AGBL4: variants seen among roughly 807,000 people sequenced by gnomAD.
The protein encoded by AGBL4 is cytosolic carboxypeptidase 6.
Under a neutral mutation model 66.4 loss-of-function variants are expected in AGBL4, and 58 were observed. That is an observed-to-expected ratio of 0.87 (90% CI 0.71 to 1.09). The LOEUF (loss-of-function observed/expected upper bound fraction) is 1.09. Among genes scored for constraint, AGBL4 ranks in the 50% least tolerant of loss-of-function variants. AGBL4 has a pLI of 0.00. For missense variants in AGBL4, 579 were observed against 631.0 expected, an observed-to-expected ratio of 0.92 and a Z score of 0.88; for synonymous variants, 234 against 222.9, an observed-to-expected ratio of 1.05 and a Z score of -0.44.
intron 3 of AGBL4, among the ~76,000 whole-genome samples, chr1:49,475,774 G>GTTACCTCTGTCAT (rs1646834128): frequency 6.6e-6 from 1 of 151,930 alleles, no homozygotes; most frequent in Non-Finnish European, 1.5e-5. Flanking sequence ...TGGTCGTGAT[G>GTTACCTCTGTCAT]TTACCTCTGT....
At chr1:49,404,757 A>G (rs758915525) in intron 3 of AGBL4, among the ~76,000 whole-genome samples, 1 of 152,246 alleles carries the variant, frequency 6.6e-6, no homozygotes, top group Non-Finnish European at 1.5e-5. Context: ...AAGTTCTAGT[A>G]ATTTTCTCAT....
intron 1 of AGBL4, among the ~76,000 whole-genome samples, chr1:49,906,780 G>C (rs903428945): frequency 2.0e-5 from 3 of 151,880 alleles, no homozygotes; most frequent in Admixed American, 1.3e-4. Flanking sequence ...CTCTAAATTG[G>C]TACAGACTAT....
At chr1:49,039,648 A>C (rs1438391221) in intron 5 of AGBL4, among the ~76,000 whole-genome samples, 1 of 152,118 alleles carries the variant, frequency 6.6e-6, no homozygotes, top group Non-Finnish European at 1.5e-5. Flanking sequence ...TGTGCAAATA[A>C]ATGAACTTCG....
At chr1:49,216,002 C>A (rs1649057131) in intron 4 of AGBL4, among the ~76,000 whole-genome samples, 1 of 152,130 alleles carries the variant, frequency 6.6e-6, no homozygotes, top group Non-Finnish European at 1.5e-5. Flanking sequence ...GATCTGCAAG[C>A]ATATACTGAC....
chr1:49,724,047 G>T lies in AGBL4; in HGVS notation c.158-26610C>A, dbSNP rs561613773. On this transcript the variant is annotated intron_variant, in intron 2 of 13. Coordinates refer to ENST00000371839, the MANE Select transcript of AGBL4 (RefSeq NM_032785.4). ...AGAATAGGAATGATTAGGGATAAAA[G>T]ATCTCTTATTTGCTTACCCAACCAG... 4.6e-5 allele frequency among the ~76,000 whole-genome samples: 7 copies of T among 152,170 alleles called. No individual in the cohort carries two copies. The East Asian group carries it at 7.7e-4, about 17-fold the overall frequency.
chr1:49,109,435 C>A (rs968695804), intron 4 of AGBL4, among the ~76,000 whole-genome samples: 5 of 152,206 alleles, frequency 3.3e-5, no homozygotes, highest in African/African-American at 9.7e-5. Context: ...GACTATTACT[C>A]TCCACCTGGG....
At chr1:48,652,800 C>T (rs972933806) in intron 8 of AGBL4, among the ~76,000 whole-genome samples, 4 of 152,086 alleles carry the variant, frequency 2.6e-5, no homozygotes, top group African/African-American at 7.2e-5. Flanking sequence ...GATTTGAGTG[C>T]GTGAGTGTGG....
intron 6 of AGBL4, among the ~76,000 whole-genome samples, chr1:48,830,059 A>G (rs1410944891): frequency 6.6e-6 from 1 of 152,104 alleles, no homozygotes; most frequent in Non-Finnish European, 1.5e-5. Context: ...CCACAGGAAA[A>G]GAGGTCTTAA....
chr1:49,469,142 G>T (rs1249485701), intron 3 of AGBL4, among the ~76,000 whole-genome samples: 2 of 151,734 alleles, frequency 1.3e-5, no homozygotes, highest in Non-Finnish European at 2.9e-5. Flanking sequence ...ACAATGATGT[G>T]ACTGTTGTTA....
At chr1:49,544,620 A>C (rs938562973) in intron 3 of AGBL4, among the ~76,000 whole-genome samples, 1 of 152,216 alleles carries the variant, frequency 6.6e-6, no homozygotes, top group African/African-American at 2.4e-5. Flanking sequence ...TACCATTTTA[A>C]GGTACTTTTT....
At chr1:48,944,428 T>C (rs1656284004) in intron 5 of AGBL4, among the ~76,000 whole-genome samples, 1 of 152,130 alleles carries the variant, frequency 6.6e-6, no homozygotes, top group Non-Finnish European at 1.5e-5. Context: ...AATTCTGAAG[T>C]GTTCAGATTC....
chr1:49,616,147 T>C (rs1352427112), intron 3 of AGBL4, among the ~76,000 whole-genome samples: 1 of 152,146 alleles, frequency 6.6e-6, no homozygotes, highest in African/African-American at 2.4e-5. Flanking sequence ...TACTTCATAT[T>C]CTTTATATCA....
intron 1 of AGBL4, among the ~76,000 whole-genome samples, chr1:49,959,953 G>A (rs1469349296): frequency 6.6e-6 from 1 of 151,968 alleles, no homozygotes; most frequent in Non-Finnish European, 1.5e-5. Context: ...ACTTTTAAGT[G>A]GGAGCTAAAC....
chr1:48,522,862 G>T, the AGBL4 span, among the ~76,000 whole-genome samples: 5 of 151,642 alleles, frequency 3.3e-5, no homozygotes, highest in South Asian at 1.0e-3. Flanking sequence ...GGAGACAGAG[G>T]TTGCAGTGAG....
chr1:48,819,665 C>G (rs1008148458), intron 6 of AGBL4, among the ~76,000 whole-genome samples: 2 of 152,174 alleles, frequency 1.3e-5, no homozygotes, highest in African/African-American at 4.8e-5. Flanking sequence ...ATCTTCTAGT[C>G]CAGTGTTTGC....
chr1:49,937,266 G>A (rs896444380), intron 1 of AGBL4, among the ~76,000 whole-genome samples: 2 of 152,050 alleles, frequency 1.3e-5, no homozygotes, highest in Non-Finnish European at 2.9e-5. Flanking sequence ...ATGGTAAAGG[G>A]ATCAATTCAA....
chr1:50,014,993 A>G (rs999459383), intron 1 of AGBL4, among the ~76,000 whole-genome samples: 6 of 152,310 alleles, frequency 3.9e-5, no homozygotes, highest in African/African-American at 1.4e-4. Context: ...GGAGAAAGGA[A>G]GAAATATAGT....
intron 6 of AGBL4, among the ~76,000 whole-genome samples, chr1:48,693,389 A>G (rs1646665029): frequency 6.6e-6 from 1 of 152,222 alleles, no homozygotes; most frequent in Non-Finnish European, 1.5e-5. Context: ...GTGGATGAAC[A>G]GAGAATTGCT....
chr1:49,626,188 T>C (rs375971038), intron 3 of AGBL4, among the ~76,000 whole-genome samples: 2 of 152,156 alleles, frequency 1.3e-5, no homozygotes, highest in East Asian at 1.9e-4. Flanking sequence ...TAAAGGATGA[T>C]ACCCCATTCT....
Sources: allele counts gnomAD v4.1 joint callset (sites outside exome capture counted in the v4.1 genomes callset), GRCh38; gene constraint gnomAD v4.1.1; transcripts MANE v1.5; gene names NCBI Gene and HGNC (gene_info 2026-07-23, HGNC 2026-07-21).